Variants in KDM3B observed in about 807,000 individuals in gnomAD.
The protein encoded by KDM3B is lysine demethylase 3B, also known as lysine-specific demethylase 3B.
A neutral mutation model predicts 170.0 loss-of-function variants in KDM3B; 10 were observed. That is an observed-to-expected ratio of 0.06 (90% CI 0.04 to 0.10). KDM3B has a LOEUF of 0.10. KDM3B is among the 10% of genes least tolerant of loss of function. The pLI is 1.00. For synonymous variants in KDM3B, 831 were observed against 834.8 expected (o/e 1.00, Z 0.08); for missense variants, 1,394 against 2,195.2 (o/e 0.64, Z 7.29).
chr5:138,416,588 CAAA>C (rs545925296), intron 12 of KDM3B, among the ~76,000 whole-genome samples: 91 of 84,212 alleles, frequency 1.1e-3, no homozygotes, highest in East Asian at 4.7e-3. Flanking sequence ...GACTCTGTCT[CAAA>C]AAAAAAAAAA....
Position 138,435,912 on chromosome 5 carries a change from C to T in KDM3B, c.*212C>T, listed in dbSNP as rs750621009. ...CTGTTCACACACACAGTTTGAGACTCCAAGCCAAGAGTGCCACATCCCTAT... is the reference window on the plus strand; with the variant it reads ...CTGTTCACACACACAGTTTGAGACTTCAAGCCAAGAGTGCCACATCCCTAT... On this transcript the variant is annotated 3_prime_UTR_variant, in exon 24 of 24. Coordinates refer to ENST00000314358, the MANE Select transcript of KDM3B (RefSeq NM_016604.4). The T allele has an allele frequency of 1.3e-4, 70 of 542,818 alleles. No individual in the cohort carries two copies. Among genetic ancestry groups the T allele is most frequent in the Non-Finnish European group, 2.0e-4 (60 of 304,224 alleles). 33.6% of individuals were successfully genotyped at this position (542,818 alleles called of 1,614,324 possible).
At chr5:138,401,026 A>G (rs1027870331) in intron 11 of KDM3B, among the ~76,000 whole-genome samples, 3 of 151,950 alleles carry the variant, frequency 2.0e-5, no homozygotes, top group Admixed American at 6.6e-5. Context: ...TAATCCCAGC[A>G]CTTTGGGAGG....
At chr5:138,406,206 C>T (rs954630673) in intron 11 of KDM3B, among the ~76,000 whole-genome samples, 14 of 151,886 alleles carry the variant, frequency 9.2e-5, no homozygotes, top group African/African-American at 3.1e-4. Context: ...ATTAGCTGGG[C>T]GTGGTGGCAC....
intron 4 of KDM3B, among the ~76,000 whole-genome samples, chr5:138,378,790 T>A (rs963898154): frequency 3.5e-5 from 5 of 144,268 alleles, no homozygotes; most frequent in Non-Finnish European, 7.8e-5. Context: ...ATATATAGAT[T>A]ATATATATCA....
chr5:138,359,836 T>A (rs1761553743), intron 1 of KDM3B, among the ~76,000 whole-genome samples: 1 of 152,174 alleles, frequency 6.6e-6, no homozygotes, highest in South Asian at 2.1e-4. Flanking sequence ...TATTTTTTTT[T>A]ATCCCTTAAT....
chr5:138,431,614 A>G (rs1453803132), intron 23 of KDM3B, 55 bp downstream of exon 23: 1 of 1,408,346 alleles, frequency 7.1e-7, no homozygotes, highest in Non-Finnish European at 9.5e-7. Context: ...ACTCACATAC[A>G]TTACGCAGAA....
intron 13 of KDM3B, among the ~76,000 whole-genome samples, chr5:138,418,642 G>A (rs1314888887): frequency 6.6e-6 from 1 of 152,154 alleles, no homozygotes; most frequent in Non-Finnish European, 1.5e-5. Context: ...GCTATTTTAT[G>A]TAATCCTAAG....
chr5:138,363,342 CAT>C (rs1761662076), intron 1 of KDM3B, among the ~76,000 whole-genome samples: 1 of 152,080 alleles, frequency 6.6e-6, no homozygotes, highest in African/African-American at 2.4e-5. Flanking sequence ...TTTTCTTTTA[CAT>C]GTTTTTATTG....
chr5:138,370,465 T>C (rs977812897), intron 1 of KDM3B, among the ~76,000 whole-genome samples: 2 of 152,236 alleles, frequency 1.3e-5, no homozygotes, highest in African/African-American at 4.8e-5. Context: ...ATTATAATTT[T>C]TATGTTGGTT....
chr5:138,374,785 A>T (rs1293891978), intron 2 of KDM3B, among the ~76,000 whole-genome samples: 1 of 152,190 alleles, frequency 6.6e-6, no homozygotes, highest in Non-Finnish European at 1.5e-5. Context: ...AATTTACTAT[A>T]ATTTAGCTCC....
Position 138,386,190 on chromosome 5 carries a change from G to A in KDM3B, c.949G>A (p.Gly317Ser). 6.2e-7 allele frequency: 1 copy of A among 1,614,176 alleles called. No homozygotes were observed. Among genetic ancestry groups the A allele is most frequent in the Non-Finnish European group, 8.5e-7 (1 of 1,180,028 alleles). ...GEVDSNGSDGGEASRGPWKGG... is the reference protein window; with the variant it reads ...GEVDSNGSDGSEASRGPWKGG... Reference sequence around the variant, plus strand: ...AGTAGACAGTAATGGGAGCGATGGAGGTGAGGCAAGCCGAGGGCCCTGGAA... The same window carrying A: ...AGTAGACAGTAATGGGAGCGATGGAAGTGAGGCAAGCCGAGGGCCCTGGAA... Residue 317 changes from glycine to serine, a missense_variant, in exon 7 of 24, where the codon GGT (glycine) becomes AGT (serine). By Grantham distance (56) the Gly-to-Ser change is moderately conservative. Around this residue, in one of 19 missense-constraint regions of KDM3B, gnomAD observed 205 missense variants for 227.6 expected, o/e 0.90. Coordinates refer to ENST00000314358, the MANE Select transcript of KDM3B (RefSeq NM_016604.4).
chr5:138,421,860 C>A (rs1220002544), intron 15 of KDM3B, among the ~76,000 whole-genome samples: 1 of 152,126 alleles, frequency 6.6e-6, no homozygotes, highest in African/African-American at 2.4e-5. Context: ...ACTATGAGGC[C>A]ATAGCCCTAT....
intron 7 of KDM3B, among the ~76,000 whole-genome samples, chr5:138,388,332 T>G (rs972609018): frequency 6.6e-6 from 1 of 151,876 alleles, no homozygotes; most frequent in African/African-American, 2.4e-5. Flanking sequence ...AGGATATGAT[T>G]TAAAAGTATA....
At chr5:138,430,058 G>A (rs1763492194) in intron 21 of KDM3B, 93 bp downstream of exon 21, 2 of 1,515,946 alleles carry the variant, frequency 1.3e-6, no homozygotes, top group South Asian at 2.4e-5. Flanking sequence ...AGAGTCCCTT[G>A]GCATTAAAGA....
chr5:138,377,937 G>C, intron 4 of KDM3B, 112 bp downstream of exon 4: 1 of 550,288 alleles, frequency 1.8e-6, no homozygotes, highest in South Asian at 4.2e-5. Context: ...TCTCCTTTTT[G>C]TGGGCAGAGT....
chr5:138,401,185 C>T (rs1394661791), intron 11 of KDM3B, among the ~76,000 whole-genome samples: 4 of 150,976 alleles, frequency 2.6e-5, no homozygotes, highest in African/African-American at 7.3e-5. Flanking sequence ...GCAGGAGAAT[C>T]GCTTGAACCC....
chr5:138,409,886 G>A (rs1352664901), intron 11 of KDM3B, among the ~76,000 whole-genome samples: 2 of 152,166 alleles, frequency 1.3e-5, no homozygotes, highest in Admixed American at 1.3e-4. Context: ...TTGGGAGTTC[G>A]AGACCAGCCT....
At chr5:138,405,962 A>G (rs1053257188) in intron 11 of KDM3B, among the ~76,000 whole-genome samples, 4 of 152,242 alleles carry the variant, frequency 2.6e-5, no homozygotes, top group African/African-American at 9.6e-5. Flanking sequence ...AAACAAAGAA[A>G]TATAGCTAGT....
chr5:138,359,856 C>G (rs998844522), intron 1 of KDM3B, among the ~76,000 whole-genome samples: 7 of 152,046 alleles, frequency 4.6e-5, no homozygotes, highest in Non-Finnish European at 1.0e-4. Flanking sequence ...TCTTTCATCT[C>G]TCTTTCAAGG....
Sources: gnomAD v4.1 joint callset for allele counts (sites outside exome capture counted in the v4.1 genomes callset) on GRCh38, gnomAD v4.1.1 for gene constraint, gnomAD v4.1.1 regional missense constraint, MANE v1.5 for transcripts, NCBI Gene and HGNC (gene_info 2026-07-23, HGNC 2026-07-21) for gene names.